The following PDE4B variants were observed in gnomAD, a reference collection of about 807,000 sequenced individuals.
PDE4B encodes the protein phosphodiesterase 4B, also known as 3',5'-cyclic-AMP phosphodiesterase 4B.
PDE4B carries 20 observed loss-of-function variants against 82.2 expected under a neutral mutation model. That is an observed-to-expected ratio of 0.24 (90% CI 0.17 to 0.35). The LOEUF (loss-of-function observed/expected upper bound fraction) is 0.35, where lower values mean the gene tolerates loss of function less well. Among genes scored for constraint, PDE4B ranks in the 10% least tolerant of loss-of-function variants. PDE4B has a pLI of 1.00. For missense variants in PDE4B, 655 were observed against 907.2 expected (o/e 0.72, Z 3.57); for synonymous variants, 320 against 318.9 (o/e 1.00, Z -0.04).
Position 65,824,887 on chromosome 1 carries a change from T to C in PDE4B, c.-71+31639T>C, listed in dbSNP as rs977676661. Among the ~76,000 whole-genome samples the C allele has an allele frequency of 1.6e-4, 25 of 152,256 alleles. No homozygotes were observed. The East Asian group carries it at 4.2e-3, about 26-fold the overall frequency. ...AGCCCAGTTGAATCAGGCTCTCTAG[T>C]GATGCTACAGATCATCAGAATGGTT... On this transcript the variant is annotated intron_variant, in intron 1 of 16. Coordinates refer to ENST00000341517, the MANE Select transcript of PDE4B (RefSeq NM_002600.4).
chr1:66,261,028 C>T (rs945194943), intron 6 of PDE4B, among the ~76,000 whole-genome samples: 3 of 152,162 alleles, frequency 2.0e-5, no homozygotes, highest in African/African-American at 7.2e-5. Context: ...CAAGTACTAC[C>T]TTGTCACCAA....
chr1:65,821,848 T>A (rs1013947028), intron 1 of PDE4B, among the ~76,000 whole-genome samples: 2 of 152,222 alleles, frequency 1.3e-5, no homozygotes, highest in Admixed American at 1.3e-4. Context: ...TGAATGTCCA[T>A]CTTTTGTATT....
At chr1:65,972,096 T>G (rs1391562822) in intron 3 of PDE4B, among the ~76,000 whole-genome samples, 2 of 152,220 alleles carry the variant, frequency 1.3e-5, no homozygotes, top group African/African-American at 4.8e-5. Context: ...ATATTATGAC[T>G]GTGCATTTAT....
intron 3 of PDE4B, among the ~76,000 whole-genome samples, chr1:66,115,268 C>T (rs1645573017): frequency 6.6e-6 from 1 of 152,196 alleles, no homozygotes; most frequent in African/African-American, 2.4e-5. Context: ...CAACTTCAAA[C>T]ACACCAATGC....
intron 3 of PDE4B, among the ~76,000 whole-genome samples, chr1:65,987,802 C>T (rs888457545): frequency 6.6e-6 from 1 of 151,994 alleles, no homozygotes. Context: ...TTAGTAGAGG[C>T]GGGGTTTCAC....
intron 3 of PDE4B, among the ~76,000 whole-genome samples, chr1:65,933,668 C>T (rs1647964859): frequency 6.7e-6 from 1 of 148,826 alleles, no homozygotes; most frequent in Non-Finnish European, 1.5e-5. Context: ...GAGAATCCGT[C>T]TAAAAAAAAA....
intron 3 of PDE4B, among the ~76,000 whole-genome samples, chr1:66,206,933 G>A (rs1649601499): frequency 6.6e-6 from 1 of 152,160 alleles, no homozygotes; most frequent in African/African-American, 2.4e-5. Context: ...GCTTATCATG[G>A]ACTGATTACT....
At chr1:66,223,156 G>T (rs990870175) in intron 3 of PDE4B, among the ~76,000 whole-genome samples, 1 of 152,058 alleles carries the variant, frequency 6.6e-6, no homozygotes, top group African/African-American at 2.4e-5. Context: ...ACATTTTAGA[G>T]GCACAAATAA....
chr1:65,960,821 C>T (rs541599704), intron 3 of PDE4B, among the ~76,000 whole-genome samples: 2 of 152,176 alleles, frequency 1.3e-5, no homozygotes, highest in South Asian at 4.2e-4. Context: ...AGCTTGTGAA[C>T]ATGCTTTATA....
intron 1 of PDE4B, among the ~76,000 whole-genome samples, chr1:65,843,376 T>C (rs1646230806): frequency 6.6e-6 from 1 of 152,164 alleles, no homozygotes; most frequent in African/African-American, 2.4e-5. Context: ...AATACCTATA[T>C]GGCAAACTTT....
At chr1:65,869,585 G>C (rs965620341) in intron 1 of PDE4B, among the ~76,000 whole-genome samples, 4 of 152,176 alleles carry the variant, frequency 2.6e-5, no homozygotes, top group Non-Finnish European at 4.4e-5. Flanking sequence ...TTAGTTGTCA[G>C]TTCTCAATGA....
chr1:65,804,945 G>A (rs901685151), intron 1 of PDE4B, among the ~76,000 whole-genome samples: 2 of 121,158 alleles, frequency 1.7e-5, no homozygotes, highest in Admixed American at 1.1e-4. Context: ...TATTTAAGGG[G>A]CACATCTTTT....
At chr1:66,278,638 C>T (rs1378277527) in intron 7 of PDE4B, among the ~76,000 whole-genome samples, 1 of 152,228 alleles carries the variant, frequency 6.6e-6, no homozygotes, top group African/African-American at 2.4e-5. Flanking sequence ...GGGCTCAGTT[C>T]TGTGAAGTAA....
At chr1:65,822,579 T>C (rs1645965349) in intron 1 of PDE4B, among the ~76,000 whole-genome samples, 1 of 152,172 alleles carries the variant, frequency 6.6e-6, no homozygotes, top group African/African-American at 2.4e-5. Context: ...GTGGCAGTAC[T>C]AAGAGGTGAG....
At chr1:66,153,437 C>T (rs1646442155) in intron 3 of PDE4B, among the ~76,000 whole-genome samples, 1 of 152,168 alleles carries the variant, frequency 6.6e-6, no homozygotes, top group Non-Finnish European at 1.5e-5. Flanking sequence ...TTCATGGCAA[C>T]CATCCCCTCT....
chr1:65,862,880 A>G (rs1262679521), intron 1 of PDE4B, among the ~76,000 whole-genome samples: 1 of 151,956 alleles, frequency 6.6e-6, no homozygotes, highest in Admixed American at 6.6e-5. Flanking sequence ...TGTATTTCTG[A>G]GGGATCAGTG....
intron 10 of PDE4B, 59 bp downstream of exon 10, chr1:66,361,852 C>A: frequency 7.5e-7 from 1 of 1,328,880 alleles, no homozygotes; most frequent in Non-Finnish European, 1.0e-6. Flanking sequence ...GACGGATGAC[C>A]GTATACCTTT....
chr1:65,940,771 G>T (rs1403129057), intron 3 of PDE4B, among the ~76,000 whole-genome samples: 1 of 151,954 alleles, frequency 6.6e-6, no homozygotes. Context: ...GATCAATTTT[G>T]GACAAGTATA....
intron 3 of PDE4B, among the ~76,000 whole-genome samples, chr1:65,988,134 G>A (rs1651050596): frequency 6.6e-6 from 1 of 152,176 alleles, no homozygotes; most frequent in Non-Finnish European, 1.5e-5. Flanking sequence ...ATCAAATAAA[G>A]TAATATATTA....
Sources: allele counts gnomAD v4.1 joint callset (sites outside exome capture counted in the v4.1 genomes callset), GRCh38; gene constraint gnomAD v4.1.1; transcripts MANE v1.5; gene names NCBI Gene and HGNC (gene_info 2026-07-23, HGNC 2026-07-21).